Variants in AKAP13 observed in about 807,000 individuals in gnomAD.
AKAP13 encodes the protein A-kinase anchoring protein 13.
In AKAP13, 80 loss-of-function variants were observed where a neutral mutation model predicts 264.5. The observed-to-expected ratio is 0.30, with a 90% confidence interval of 0.25 to 0.36. AKAP13 has a LOEUF of 0.36. AKAP13 is among the 10% of genes least tolerant of loss of function. The probability of loss-of-function intolerance (pLI) is 1.00; values close to 1 mark genes in which losing one functional copy is unlikely to be tolerated. For missense variants in AKAP13, 3,712 were observed against 3,435.2 expected, an observed-to-expected ratio of 1.08 and a Z score of -2.01; for synonymous variants, 1,380 against 1,250.2, an observed-to-expected ratio of 1.10 and a Z score of -2.19.
In AKAP13 at chr15:85,674,683, A is replaced by G. The variant is rs570187678; in HGVS notation, c.5101+4853A>G. On this transcript the variant is annotated intron_variant, in intron 14 of 36. Transcript: ENST00000394518. Reference sequence around the variant, plus strand: ...TGTGGCAGTTACATATCTGTACCAGATCTTTAAAAAGGTAAAGGATCTGTG... The same window carrying G: ...TGTGGCAGTTACATATCTGTACCAGGTCTTTAAAAAGGTAAAGGATCTGTG... Among the ~76,000 whole-genome samples, 14 of 152,312 alleles carry G rather than the reference A, an allele frequency of 9.2e-5. No individual in the cohort carries two copies. The South Asian group carries it at 2.7e-3, about 29-fold the overall frequency.
At chr15:85,716,001 G>GT in intron 20 of AKAP13, 78 bp downstream of exon 20, 4 of 1,290,806 alleles carry the variant, frequency 3.1e-6, no homozygotes, top group Non-Finnish European at 3.1e-6. Context: ...ATGACAAAAA[G>GT]CTTTTTTTTT....
intron 2 of AKAP13, among the ~76,000 whole-genome samples, chr15:85,512,022 TC>T (rs1477169043): frequency 6.6e-6 from 1 of 152,116 alleles, no homozygotes; most frequent in Non-Finnish European, 1.5e-5. Flanking sequence ...CATTTTTCTT[TC>T]AGTATATACC....
intron 30 of AKAP13, 143 bp downstream of exon 30, chr15:85,730,850 A>G: frequency 1.3e-6 from 1 of 756,504 alleles, no homozygotes; most frequent in Non-Finnish European, 2.1e-6. Context: ...ATAGTAAATT[A>G]TCAGGTGAAT....
At chr15:85,695,421 A>C (rs2085512994) in intron 17 of AKAP13, among the ~76,000 whole-genome samples, 1 of 152,108 alleles carries the variant, frequency 6.6e-6, no homozygotes, top group African/African-American at 2.4e-5. Flanking sequence ...CACACACAAA[A>C]AAACGTGTAT....
chr15:85,631,729 G>A (rs2081836268), intron 8 of AKAP13, among the ~76,000 whole-genome samples: 1 of 152,188 alleles, frequency 6.6e-6, no homozygotes, highest in African/African-American at 2.4e-5. Flanking sequence ...GGAGAAACCA[G>A]TGAGGAAGGG....
At chr15:85,469,363 A>G (rs931224498) in intron 1 of AKAP13, among the ~76,000 whole-genome samples, 16 of 152,242 alleles carry the variant, frequency 1.1e-4, no homozygotes, top group South Asian at 2.1e-4. Context: ...TGTAGTTGCT[A>G]TGTACAGTGG....
chr15:85,556,392 A>G (rs1323784401), intron 5 of AKAP13, among the ~76,000 whole-genome samples: 1 of 152,188 alleles, frequency 6.6e-6, no homozygotes, highest in African/African-American at 2.4e-5. Flanking sequence ...TCATTGAGTG[A>G]TAGGAATTTT....
At chr15:85,443,281 T>G (rs1596195823) in intron 1 of AKAP13, among the ~76,000 whole-genome samples, 1 of 152,286 alleles carries the variant, frequency 6.6e-6, no homozygotes, top group East Asian at 1.9e-4. Context: ...GAGGCCCTGT[T>G]TTAGCTTTGG....
intron 17 of AKAP13, among the ~76,000 whole-genome samples, chr15:85,698,814 C>G (rs927586277): frequency 1.3e-5 from 2 of 148,996 alleles, no homozygotes; most frequent in South Asian, 4.3e-4. Flanking sequence ...CATGGTGGTG[C>G]ACGCCTGTAA....
intron 4 of AKAP13, among the ~76,000 whole-genome samples, chr15:85,540,750 C>G (rs559731346): frequency 2.0e-5 from 3 of 152,342 alleles, no homozygotes; most frequent in South Asian, 4.1e-4. Context: ...ACCTTGGCCT[C>G]TTCTACAAAC....
chr15:85,491,049 A>G (rs1805862488), intron 2 of AKAP13, among the ~76,000 whole-genome samples: 1 of 152,002 alleles, frequency 6.6e-6, no homozygotes, highest in Admixed American at 6.5e-5. Context: ...GTAACTTAAT[A>G]TGTTTGAGGA....
chr15:85,645,756 T>C lies in AKAP13; in HGVS notation c.4238-62T>C, dbSNP rs1026890718. 4.0e-6 allele frequency: 6 copies of C among 1,505,886 alleles called. No homozygotes were observed. In the Admixed American group the frequency reaches 1.4e-4, roughly 34 times the overall value. The allele number at this position is 1,505,886 out of a possible 1,614,324, so 93.3% of individuals were successfully genotyped here. The stretch of plus-strand genomic sequence containing the variant: ...CTGGGGTGAAAAGGAAGTGGTTCTT[T>C]TTGTTTTTTGGTTTTTTTGTTTTTT... On this transcript the variant is annotated intron_variant, in intron 9 of 36. Coordinates refer to ENST00000394518, the MANE Select transcript of AKAP13 (RefSeq NM_007200.5).
chr15:85,743,257 G>C (rs1233743211), intron 35 of AKAP13, among the ~76,000 whole-genome samples: 1 of 152,138 alleles, frequency 6.6e-6, no homozygotes, highest in Non-Finnish European at 1.5e-5. Context: ...TGTAGTAAAA[G>C]TATTAACAGC....
chr15:85,723,056 A>G lies in AKAP13; in HGVS notation c.6497-16A>G. ...AAAAAGAGCCATAAAAAACAGAATTATTCTTTCCTTCCAAGACAATGAAGT... is the reference window on the plus strand; with the variant it reads ...AAAAAGAGCCATAAAAAACAGAATTGTTCTTTCCTTCCAAGACAATGAAGT... On this transcript the variant is annotated splice_polypyrimidine_tract_variant and intron_variant, in intron 25 of 36. Coordinates refer to ENST00000394518, the MANE Select transcript of AKAP13 (RefSeq NM_007200.5). 6.2e-7 allele frequency: 1 copy of G among 1,608,390 alleles called. No homozygotes were observed. The highest frequency in any genetic ancestry group is 1.7e-4 in the Middle Eastern group (1 of 6,032).
chr15:85,482,813 A>G (rs1156748187), intron 1 of AKAP13, among the ~76,000 whole-genome samples: 1 of 152,186 alleles, frequency 6.6e-6, no homozygotes, highest in African/African-American at 2.4e-5. Flanking sequence ...GTGTGCCAGC[A>G]TTGTGGAAGT....
At chr15:85,459,733 T>G (rs1736931549) in intron 1 of AKAP13, among the ~76,000 whole-genome samples, 1 of 151,990 alleles carries the variant, frequency 6.6e-6, no homozygotes, top group Non-Finnish European at 1.5e-5. Context: ...TCTCCTGACC[T>G]TGTGATCCGC....
At chr15:85,596,529 A>G (rs562701847) in intron 8 of AKAP13, among the ~76,000 whole-genome samples, 2 of 152,124 alleles carry the variant, frequency 1.3e-5, no homozygotes, top group Admixed American at 1.3e-4. Flanking sequence ...GGCTGCGGTG[A>G]CCCATGATTA....
intron 14 of AKAP13, among the ~76,000 whole-genome samples, chr15:85,678,352 A>G (rs752435691): frequency 2.0e-5 from 3 of 152,306 alleles, no homozygotes; most frequent in East Asian, 3.9e-4. Flanking sequence ...TTTTCACACT[A>G]TTCTTAAAGG....
At chr15:85,495,539 C>G (rs1352532010) in intron 2 of AKAP13, among the ~76,000 whole-genome samples, 1 of 152,088 alleles carries the variant, frequency 6.6e-6, no homozygotes, top group African/African-American at 2.4e-5. Context: ...TCTGTGTCTC[C>G]CTCAGGAAAG....
Sources: allele counts gnomAD v4.1 joint callset (sites outside exome capture counted in the v4.1 genomes callset), GRCh38; gene constraint gnomAD v4.1.1; transcripts MANE v1.5; gene names NCBI Gene and HGNC (gene_info 2026-07-23, HGNC 2026-07-21).